The following HUWE1 variants were observed in gnomAD, a reference collection of about 807,000 sequenced individuals.
The protein encoded by HUWE1 is HECT, UBA and WWE domain containing E3 ubiquitin protein ligase 1.
HUWE1 carries 18 observed loss-of-function variants against 299.4 expected under a neutral mutation model. The ratio of observed to expected loss-of-function variants is 0.06; its 90% CI spans 0.04 to 0.09. The LOEUF (loss-of-function observed/expected upper bound fraction) is 0.09, where lower values mean the gene tolerates loss of function less well. Among genes scored for constraint, HUWE1 ranks in the 10% least tolerant of loss-of-function variants. HUWE1 has a pLI of 1.00. For synonymous variants in HUWE1, 1,317 were observed against 1,286.1 expected (o/e 1.02, Z -0.51); for missense variants, 1,832 against 3,462.3 (o/e 0.53, Z 11.82).
rs916882897 is a variant in HUWE1, at chrX:53,575,689, G to C, written c.5984C>G (p.Thr1995Arg). 3 of 1,210,889 alleles carry C rather than the reference G, an allele frequency of 2.5e-6. No homozygotes were observed. The highest frequency in any genetic ancestry group is 3.4e-6 in the Non-Finnish European group (3 of 894,498). ...DDVYQQYRSL[T>R]RQSSDFDTQS... ...CGTATCAAAGTCACTGCTCTGACGC[G>C]TAAGTGACCGGTACTGCTGGTATAC... Residue 1995 changes from threonine to arginine, a missense_variant, in exon 45 of 84, where the codon ACG (threonine) becomes AGG (arginine). Physicochemically the swap from Thr to Arg is moderately conservative, Grantham distance 71 (BLOSUM62 -1). Coordinates refer to ENST00000262854, the MANE Select transcript of HUWE1 (RefSeq NM_031407.7).
At chrX:53,661,791 T>A (rs1344227965) in intron 3 of HUWE1, among the ~76,000 whole-genome samples, 1 of 111,762 alleles carries the variant, frequency 8.9e-6, no homozygotes, top group Non-Finnish European at 1.9e-5. Context: ...ACTTCAATAC[T>A]TTTATCTAAT....
intron 19 of HUWE1, among the ~76,000 whole-genome samples, chrX:53,622,294 C>G (rs1227345217): frequency 9.0e-6 from 1 of 111,518 alleles, no homozygotes; most frequent in Non-Finnish European, 1.9e-5. Flanking sequence ...ACTGATTCTT[C>G]TGTGTTACAA....
At chrX:53,565,348 A>T in intron 49 of HUWE1, 109 bp from the exon 50 acceptor site, 3 of 738,650 alleles carry the variant, frequency 4.1e-6, no homozygotes, top group Non-Finnish European at 6.0e-6. Flanking sequence ...GAAAAGGGGC[A>T]TAAGGTCGTA....
intron 19 of HUWE1, 148 bp from the exon 20 acceptor site, chrX:53,617,594 C>T: frequency 6.4e-6 from 3 of 471,848 alleles, no homozygotes; most frequent in South Asian, 6.3e-5. Context: ...CCTAATACTG[C>T]TCCATCAGAG....
At chrX:53,606,705 C>T (rs868973859) in intron 25 of HUWE1, among the ~76,000 whole-genome samples, 1 of 111,559 alleles carries the variant, frequency 9.0e-6, no homozygotes. Context: ...GGGCATTATG[C>T]TAAGTGAAAA....
In HUWE1 at chrX:53,603,412, C is replaced by G. The variant is rs782501178; in HGVS notation, c.2832G>C (p.Leu944=). Residue 944 remains leucine, a synonymous_variant, in exon 27 of 84, where the codon CTG becomes CTC. Coordinates refer to ENST00000262854, the MANE Select transcript of HUWE1 (RefSeq NM_031407.7). ...AGAGGAGGACAGTGCTTTCCCACAC[C>G]AGGGAACAGTATAACTGGCTCAGCT... ...LSKLSQLYCS[L]VWESTVLLSL... is the part of the protein sequence containing the mutation. 7.3e-5 allele frequency: 88 copies of G among 1,205,778 alleles called. No individual in the cohort carries two copies. Among genetic ancestry groups the G allele is most frequent in the Non-Finnish European group, 8.7e-5 (78 of 891,838 alleles).
chrX:53,600,032 G>C (rs2064739144), intron 29 of HUWE1, 86 bp downstream of exon 29: 1 of 905,385 alleles, frequency 1.1e-6, no homozygotes, highest in Non-Finnish European at 1.6e-6. Flanking sequence ...TTCCTTAGGT[G>C]AAACAACATA....
At chrX:53,557,510 C>A (rs2062077329) in intron 59 of HUWE1, 83 bp from the exon 60 acceptor site, 6 of 762,170 alleles carry the variant, frequency 7.9e-6, no homozygotes, top group African/African-American at 2.1e-5. Flanking sequence ...CATCCTCCAC[C>A]CAGACCATCT....
At chrX:53,677,567 A>C (rs1395604939) in intron 3 of HUWE1, among the ~76,000 whole-genome samples, 2 of 105,683 alleles carry the variant, frequency 1.9e-5, no homozygotes, top group African/African-American at 7.0e-5. Flanking sequence ...CAATTGTCAG[A>C]ATGCCGTAAT....
At chrX:53,542,819 G>A in intron 73 of HUWE1, 1 of 330,083 alleles carries the variant, frequency 3.0e-6, no homozygotes, top group East Asian at 6.0e-5. Context: ...CTAGCCTCCT[G>A]TATATAGACT....
At chrX:53,590,064 A>T (rs781854861) in intron 35 of HUWE1, among the ~76,000 whole-genome samples, 12 of 112,126 alleles carry the variant, frequency 1.1e-4, no homozygotes, top group Non-Finnish European at 2.1e-4. Flanking sequence ...CCTCCCGCAA[A>T]ATCATTTCTA....
intron 23 of HUWE1, among the ~76,000 whole-genome samples, chrX:53,612,594 G>C (rs907682653): frequency 9.0e-6 from 1 of 111,651 alleles, no homozygotes; most frequent in Non-Finnish European, 1.9e-5. Context: ...TCTTGCTCTT[G>C]AGGAGCTTAT....
chrX:53,678,343 T>C (rs1482434497), intron 3 of HUWE1, among the ~76,000 whole-genome samples: 7 of 111,543 alleles, frequency 6.3e-5, no homozygotes, highest in African/African-American at 2.3e-4. Context: ...ACACCACCTA[T>C]GAAACATCAA....
At chrX:53,649,509 A>G (rs1557038659) in intron 4 of HUWE1, among the ~76,000 whole-genome samples, 1 of 112,239 alleles carries the variant, frequency 8.9e-6, no homozygotes, top group East Asian at 2.8e-4. Flanking sequence ...CTTTAAGCTA[A>G]GTCCAAACCT....
At chrX:53,582,018 C>G (rs1255742016) in intron 42 of HUWE1, among the ~76,000 whole-genome samples, 1 of 111,595 alleles carries the variant, frequency 9.0e-6, no homozygotes, top group African/African-American at 3.3e-5. Context: ...CCACTCCTAC[C>G]GAAAGTTAAG....
At chrX:53,567,224 A>G (rs957359563) in intron 49 of HUWE1, among the ~76,000 whole-genome samples, 1 of 112,018 alleles carries the variant, frequency 8.9e-6, no homozygotes, top group Non-Finnish European at 1.9e-5. Flanking sequence ...GGAAGAAATA[A>G]AGCAAAATGT....
rs1188705147 is a variant in HUWE1, at chrX:53,532,582, C to T, written c.*727G>A. 1.8e-5 allele frequency: 2 copies of T among 108,606 alleles called. No homozygotes were observed. The highest frequency in any genetic ancestry group is 2.0e-4 in the Admixed American group (2 of 10,119). 9.0% of individuals were successfully genotyped at this position (108,606 alleles called of 1,213,427 possible). On this transcript the variant is annotated 3_prime_UTR_variant, in exon 84 of 84. Transcript: ENST00000262854. ...TAAAAAAAAAAAACAGATGCCCCCA[C>T]CCCCAATTCCTGGTGAACTGCTCAT...
At chrX:53,640,753 ATCAT>A (rs1557030295) in intron 7 of HUWE1, among the ~76,000 whole-genome samples, 1 of 112,256 alleles carries the variant, frequency 8.9e-6, no homozygotes, top group Non-Finnish European at 1.9e-5. Context: ...CTGTGGTAAA[ATCAT>A]CCAAAGGAAG....
intron 19 of HUWE1, among the ~76,000 whole-genome samples, chrX:53,624,098 C>T (rs1363259086): frequency 2.7e-5 from 3 of 112,233 alleles, no homozygotes; most frequent in Non-Finnish European, 5.6e-5. Context: ...CAGATATCTA[C>T]CCGGCCTCTC....
Sources: allele counts gnomAD v4.1 joint callset (sites outside exome capture counted in the v4.1 genomes callset), GRCh38; gene constraint gnomAD v4.1.1; transcripts MANE v1.5; gene names NCBI Gene and HGNC (gene_info 2026-07-23, HGNC 2026-07-21).